TNS1: variants seen among roughly 807,000 people sequenced by gnomAD.
TNS1 encodes the protein tensin 1, also known as tensin-1.
Under a neutral mutation model 168.6 loss-of-function variants are expected in TNS1, and 62 were observed. The observed-to-expected ratio is 0.37, with a 90% CI of 0.30 to 0.45. TNS1 has a LOEUF of 0.45. Among genes scored for constraint, TNS1 ranks in the 20% least tolerant of loss-of-function variants. TNS1 has a pLI of 1.00. For synonymous variants in TNS1, 934 were observed against 933.2 expected, an observed-to-expected ratio of 1.00 and a Z score of -0.02; for missense variants, 2,240 against 2,339.4, an observed-to-expected ratio of 0.96 and a Z score of 0.88.
chr2:217,942,561 G>A (rs1379547383), intron 3 of TNS1, among the ~76,000 whole-genome samples: 1 of 152,140 alleles, frequency 6.6e-6, no homozygotes, highest in East Asian at 1.9e-4. Context: ...AGCTGGCAGG[G>A]GCAGGTGCAA....
intron 22 of TNS1, among the ~76,000 whole-genome samples, chr2:217,827,175 T>C (rs1159751672): frequency 6.6e-6 from 1 of 152,096 alleles, no homozygotes; most frequent in African/African-American, 2.4e-5. Context: ...ATCCTTATAT[T>C]CCCAAAGCCT....
chr2:217,888,805 T>C (rs1951466430), intron 12 of TNS1, among the ~76,000 whole-genome samples: 1 of 152,210 alleles, frequency 6.6e-6, no homozygotes, highest in Non-Finnish European at 1.5e-5. Context: ...CTTTCTTTTG[T>C]AAATTGCCCA....
Position 218,029,562 on chromosome 2 carries a change from C to T in TNS1, c.156+4258G>A, listed in dbSNP as rs558551187. Among the ~76,000 whole-genome samples, 9 of 152,332 alleles carry T rather than the reference C, an allele frequency of 5.9e-5. No individual in the cohort carries two copies. The East Asian group carries it at 7.7e-4, about 13-fold the overall frequency. ...GACAGCGTGTCTTCACACAGTGGGA[C>T]GCTGTCCAGCAATGAGAAGGAACGC... On this transcript the variant is annotated intron_variant, in intron 1 of 1. Coordinates refer to the TNS1 transcript ENST00000649572.
intron 4 of TNS1, among the ~76,000 whole-genome samples, chr2:217,912,047 C>T (rs1954468765): frequency 6.6e-6 from 1 of 151,914 alleles, no homozygotes; most frequent in African/African-American, 2.4e-5. Context: ...AATTTTTTTC[C>T]AAAAAAAGAC....
At chr2:217,921,641 C>T (rs899563937) in intron 3 of TNS1, among the ~76,000 whole-genome samples, 1 of 152,206 alleles carries the variant, frequency 6.6e-6, no homozygotes, top group African/African-American at 2.4e-5. Flanking sequence ...CCCTGCCCAA[C>T]TCATTCTCCA....
At chr2:217,871,717 G>A (rs1326547734) in intron 18 of TNS1, among the ~76,000 whole-genome samples, 5 of 152,260 alleles carry the variant, frequency 3.3e-5, no homozygotes, top group Non-Finnish European at 4.4e-5. Context: ...CTCAAACCTG[G>A]AGGACACCTT....
intron 22 of TNS1, among the ~76,000 whole-genome samples, chr2:217,831,240 G>T (rs1442504831): frequency 2.6e-5 from 4 of 152,176 alleles, no homozygotes; most frequent in African/African-American, 9.7e-5. Context: ...AGAGGAGGCT[G>T]GGAGTTGTGC....
intron 28 of TNS1, 35 bp from the exon 29 acceptor site, chr2:217,810,354 G>A (rs750415305): frequency 1.4e-5 from 22 of 1,608,110 alleles, no homozygotes; most frequent in Non-Finnish European, 1.9e-5. Context: ...TAAAACCCTA[G>A]AGCTGGAAAG....
At chr2:217,944,495 T>C (rs765162523) in intron 3 of TNS1, among the ~76,000 whole-genome samples, 23 of 152,202 alleles carry the variant, frequency 1.5e-4, no homozygotes, top group Non-Finnish European at 3.2e-4. Context: ...AATAATAATA[T>C]AGCAACTCTC....
chr2:217,835,265 C>A, intron 20 of TNS1, 99 bp from the exon 21 acceptor site: 1 of 1,115,054 alleles, frequency 9.0e-7, no homozygotes, highest in East Asian at 2.8e-5. Flanking sequence ...TTAACCAGCC[C>A]CCACATCCCC....
At chr2:217,973,423 A>T (rs1316902593) in intron 3 of TNS1, among the ~76,000 whole-genome samples, 4 of 151,924 alleles carry the variant, frequency 2.6e-5, no homozygotes, top group Non-Finnish European at 5.9e-5. Flanking sequence ...TTCATTTTAA[A>T]TCCTCAACAG....
chr2:217,916,757 C>T (rs779317532), intron 4 of TNS1, among the ~76,000 whole-genome samples: 15 of 152,160 alleles, frequency 9.9e-5, no homozygotes, highest in Non-Finnish European at 1.5e-4. Flanking sequence ...GGCCTGAAGC[C>T]GGGCAGAAAT....
At chr2:217,992,891 T>C (rs564387832) in intron 1 of TNS1, among the ~76,000 whole-genome samples, 2 of 152,192 alleles carry the variant, frequency 1.3e-5, no homozygotes, top group Admixed American at 6.5e-5. Context: ...AAATACATGA[T>C]GATAGGAATG....
intron 10 of TNS1, 53 bp from the exon 11 acceptor site, chr2:217,893,065 C>T: frequency 6.2e-7 from 1 of 1,604,658 alleles, no homozygotes; most frequent in Non-Finnish European, 8.5e-7. Flanking sequence ...GCCTTGCTGC[C>T]CCAGAGCTTA....
chr2:217,947,972 A>G (rs1318827063), intron 3 of TNS1, among the ~76,000 whole-genome samples: 1 of 152,224 alleles, frequency 6.6e-6, no homozygotes, highest in Non-Finnish European at 1.5e-5. Context: ...ATGGGCTCAG[A>G]GCAGTGAAGT....
At chr2:217,849,527 C>G (rs1272960501) in intron 18 of TNS1, 3 of 450,582 alleles carry the variant, frequency 6.7e-6, no homozygotes, top group Non-Finnish European at 8.8e-6. Context: ...TGAGTTGACA[C>G]ATGACATGCT....
rs756771801 is a variant in TNS1 at position 217,804,618 on chromosome 2, G to A, written c.5376-15C>T. 5.0e-6 allele frequency: 8 copies of A among 1,613,608 alleles called. No homozygotes were observed. In the Admixed American group the frequency reaches 8.3e-5, roughly 17 times the overall value. ...AGCCGAAGAGCCTGCAGGCGGGAGA[G>A]GGCAACGGGCATGAGGGAAGGGCAA... On this transcript the variant is annotated splice_polypyrimidine_tract_variant and intron_variant, in intron 32 of 32. Transcript: ENST00000682258.
At chr2:218,027,000 G>T (rs1958854172) in intron 1 of TNS1, among the ~76,000 whole-genome samples, 2 of 152,200 alleles carry the variant, frequency 1.3e-5, no homozygotes, top group Non-Finnish European at 2.9e-5. Flanking sequence ...GGTGTTGAGG[G>T]CTTGGTGGAG....
chr2:217,867,162 TG>T (rs1303422025), intron 18 of TNS1, among the ~76,000 whole-genome samples: 1 of 152,158 alleles, frequency 6.6e-6, no homozygotes, highest in Non-Finnish European at 1.5e-5. Context: ...TCTCACATAT[TG>T]GGGGGTGCAT....
Sources: allele counts gnomAD v4.1 joint callset (sites outside exome capture counted in the v4.1 genomes callset), GRCh38; gene constraint gnomAD v4.1.1; transcripts MANE v1.5; gene names NCBI Gene and HGNC (gene_info 2026-07-23, HGNC 2026-07-21).